The following LEO1 variants were observed in gnomAD, a reference collection of about 807,000 sequenced individuals.
LEO1 encodes LEO1 component of Paf1/RNA polymerase II complex, also known as RNA polymerase-associated protein LEO1.
LEO1 carries 34 observed loss-of-function variants against 80.4 expected under a neutral mutation model. The observed-to-expected ratio is 0.42, with a 90% CI of 0.32 to 0.56. The LOEUF is 0.56. Ranked by LOEUF, LEO1 falls within the 20% of genes least tolerant of loss-of-function variation. The pLI is 0.10. For synonymous variants in LEO1, 262 were observed against 274.9 expected (o/e 0.95, Z 0.46); for missense variants, 631 against 814.2 (o/e 0.77, Z 2.74).
chr15:51,965,989 C>T lies in LEO1; in HGVS notation c.574G>A (p.Glu192Lys), dbSNP rs1170010795. 3 of 1,614,124 alleles carry T rather than the reference C, an allele frequency of 1.9e-6. No homozygotes were observed. In the Admixed American group the frequency reaches 5.0e-5, roughly 27 times the overall value. ...TCATCATCGGAAAGCTGAGGCCTCTCCTCATCATCTGTGTTCTGCATTTTC... is the reference window on the plus strand; with the variant it reads ...TCATCATCGGAAAGCTGAGGCCTCTTCTCATCATCTGTGTTCTGCATTTTC... ...DEKMQNTDDEERPQLSDDERQ... is the reference protein window; with the variant it reads ...DEKMQNTDDEKRPQLSDDERQ... The change falls in exon 2 of 12, where the codon GAG (glutamate) becomes AAG (lysine). Residue 192 changes from glutamate to lysine, a missense_variant. Coordinates refer to ENST00000299601, the MANE Select transcript of LEO1 (RefSeq NM_138792.4).
intron 1 of LEO1, among the ~76,000 whole-genome samples, chr15:51,967,023 G>A (rs1433540676): frequency 2.0e-5 from 3 of 152,098 alleles, no homozygotes; most frequent in African/African-American, 7.2e-5. Context: ...TAAACTTGAA[G>A]ATACCTCAGT....
chr15:51,954,751 T>C lies in LEO1; in HGVS notation c.1246-176A>G, dbSNP rs1273544908. The C allele has an allele frequency of 1.7e-4, 95 of 563,080 alleles. 2 individuals are homozygous for C. In the South Asian group the frequency reaches 2.0e-3, roughly 12 times the overall value. The allele number at this position is 563,080 out of a possible 1,614,324, so 34.9% of individuals were successfully genotyped here. A position where few individuals can be genotyped will look rare whatever the true frequency, so the allele number is the denominator to read the frequency against. ...TAATCACCTAGAGAGGTTGGATAAA[T>C]TAAAAGCAGGGAAAAAAATATGCTT... On this transcript the variant is annotated intron_variant, in intron 6 of 11. Transcript: ENST00000299601.
chr15:51,962,631 C>T, intron 2 of LEO1, 138 bp from the exon 3 acceptor site: 2 of 606,124 alleles, frequency 3.3e-6, no homozygotes, highest in Non-Finnish European at 5.8e-6. Context: ...ACTGCTGATA[C>T]ATGTAACCAA....
At chr15:51,940,569 A>C (rs1595927446) in intron 11 of LEO1, among the ~76,000 whole-genome samples, 1 of 151,776 alleles carries the variant, frequency 6.6e-6, no homozygotes, top group Non-Finnish European at 1.5e-5. Context: ...TCAAAAAAAA[A>C]AAAAGGCCTG....
rs2056961164 is a variant in LEO1 at position 51,952,992 on chromosome 15, C to T, written c.1475+137G>A. On this transcript the variant is annotated intron_variant, in intron 8 of 11. Coordinates refer to ENST00000299601, the MANE Select transcript of LEO1 (RefSeq NM_138792.4). ...TTTGACAAAATAACCTTTGAACCTTCAGAACTATGCACAAGATCTTGGTTC... is the reference window on the plus strand; with the variant it reads ...TTTGACAAAATAACCTTTGAACCTTTAGAACTATGCACAAGATCTTGGTTC... 1.1e-5 allele frequency: 8 copies of T among 701,470 alleles called. 1 individual carries two copies. In the East Asian group the frequency reaches 2.2e-4, roughly 19 times the overall value. The allele number at this position is 701,470 out of a possible 1,614,324, so 43.5% of individuals were successfully genotyped here. A position where few individuals can be genotyped will look rare whatever the true frequency, so the allele number is the denominator to read the frequency against.
At chr15:51,941,690 T>TA (rs1313017724) in intron 11 of LEO1, among the ~76,000 whole-genome samples, 2 of 152,226 alleles carry the variant, frequency 1.3e-5, no homozygotes, top group African/African-American at 4.8e-5. Context: ...TTTAACTACT[T>TA]AAAAAAATGA....
intron 11 of LEO1, among the ~76,000 whole-genome samples, chr15:51,941,574 T>G (rs2570267): frequency 0.049 from 7,449 of 152,264 alleles, 420 homozygotes; most frequent in African/African-American, 0.12. Flanking sequence ...TCTTTCAGCT[T>G]GGGTCTTTCC....
At chr15:51,971,115 A>G (rs1021719621) in intron 1 of LEO1, among the ~76,000 whole-genome samples, 1 of 152,184 alleles carries the variant, frequency 6.6e-6, no homozygotes, top group African/African-American at 2.4e-5. Context: ...GACTCCGGAA[A>G]TTCTGGAGTT....
At chr15:51,950,877 A>G (rs2056943696) in intron 9 of LEO1, among the ~76,000 whole-genome samples, 1 of 152,202 alleles carries the variant, frequency 6.6e-6, no homozygotes, top group Admixed American at 6.5e-5. Flanking sequence ...AGCTTCTCCA[A>G]TAATGCTGAG....
chr15:51,942,787 T>A (rs963854383), intron 11 of LEO1, among the ~76,000 whole-genome samples: 3 of 151,900 alleles, frequency 2.0e-5, no homozygotes, highest in Non-Finnish European at 4.4e-5. Flanking sequence ...CTGGGCGTGG[T>A]GGCAGGTGCC....
In LEO1 at chr15:51,949,917, C is replaced by G. The variant is rs2056934488; in HGVS notation, c.1689G>C (p.Arg563=). 1 of 1,613,980 alleles carries G rather than the reference C, an allele frequency of 6.2e-7. No homozygotes were observed. The highest frequency in any genetic ancestry group is 1.7e-5 in the Admixed American group (1 of 59,998). ...GTTCCAGGTAACTGGCGCTCAGCCCCCGCTGGTGCTGTTTCTCTCTCATTC... is the reference window on the plus strand; with the variant it reads ...GTTCCAGGTAACTGGCGCTCAGCCCGCGCTGGTGCTGTTTCTCTCTCATTC... The part of the protein sequence containing the change: ...QRRMREKQHQ[R]GLSASYLEPD... The change falls in exon 10 of 12, where the codon CGG becomes CGC. Residue 563 remains arginine, a synonymous_variant. Transcript: ENST00000299601.
At position 51,945,143 on chromosome 15, in the gene LEO1, G is replaced by A. The variant is rs979925175; in HGVS notation, c.1896+2149C>T. ...AAAAACCAAAATAAAACAGTCCATC[G>A]CAGTGGCTTATGCCTGTAATCCCAG... On this transcript the variant is annotated intron_variant, in intron 11 of 11. Coordinates refer to ENST00000299601, the MANE Select transcript of LEO1 (RefSeq NM_138792.4). 3.9e-4 allele frequency among the ~76,000 whole-genome samples: 59 copies of A among 151,848 alleles called. 1 individual carries two copies. Among genetic ancestry groups the A allele is most frequent in the Non-Finnish European group, 5.9e-5 (4 of 67,966 alleles).
At chr15:51,950,715 G>C (rs1395600201) in intron 9 of LEO1, among the ~76,000 whole-genome samples, 1 of 152,176 alleles carries the variant, frequency 6.6e-6, no homozygotes, top group African/African-American at 2.4e-5. Flanking sequence ...GGAACAGATT[G>C]TTTTAATAGT....
At chr15:51,960,111 C>T (rs777446928) in intron 4 of LEO1, 67 bp from the exon 5 acceptor site, 8 of 1,262,180 alleles carry the variant, frequency 6.3e-6, no homozygotes, top group Non-Finnish European at 5.6e-6. Flanking sequence ...AACCTCCACA[C>T]TTTAATTACT....
chr15:51,957,496 T>G (rs1433742401), intron 6 of LEO1, among the ~76,000 whole-genome samples: 1 of 152,198 alleles, frequency 6.6e-6, no homozygotes, highest in Non-Finnish European at 1.5e-5. Flanking sequence ...ATCTGTTGAC[T>G]GTGTGATCTT....
intron 1 of LEO1, among the ~76,000 whole-genome samples, chr15:51,969,711 A>G (rs2959302): frequency 0.44 from 66,086 of 151,550 alleles, 14,628 homozygotes; most frequent in Admixed American, 0.52. Flanking sequence ...GTATGGTGGC[A>G]GGTGCCTGTA....
At chr15:51,945,071 AT>A (rs1301538643) in intron 11 of LEO1, among the ~76,000 whole-genome samples, 1 of 152,088 alleles carries the variant, frequency 6.6e-6, no homozygotes, top group Non-Finnish European at 1.5e-5. Context: ...GTTAAATCAT[AT>A]CTTCTCTCCT....
chr15:51,947,663 G>A (rs1034621490), intron 10 of LEO1, among the ~76,000 whole-genome samples: 8 of 146,972 alleles, frequency 5.4e-5, no homozygotes, highest in African/African-American at 1.3e-4. Context: ...AAAATCAAGC[G>A]ATCCTCCTTC....
intron 6 of LEO1, among the ~76,000 whole-genome samples, chr15:51,956,714 G>A (rs1370699169): frequency 6.6e-6 from 1 of 152,020 alleles, no homozygotes; most frequent in African/African-American, 2.4e-5. Context: ...AGAAAATAAG[G>A]GTCCAGGGTT....
Sources: allele counts gnomAD v4.1 joint callset (sites outside exome capture counted in the v4.1 genomes callset), GRCh38; gene constraint gnomAD v4.1.1; transcripts MANE v1.5; gene names NCBI Gene and HGNC (gene_info 2026-07-23, HGNC 2026-07-21).